The following SLC35F3 variants were observed in gnomAD, a reference collection of about 807,000 sequenced individuals.
SLC35F3 encodes putative thiamine transporter SLC35F3.
SLC35F3 carries 25 observed loss-of-function variants against 49.9 expected under a neutral mutation model. That is an observed-to-expected ratio of 0.50 (90% CI 0.37 to 0.70). The LOEUF (loss-of-function observed/expected upper bound fraction) is 0.70. Among genes scored for constraint, SLC35F3 ranks in the 30% least tolerant of loss-of-function variants. The pLI, the probability that SLC35F3 is intolerant of heterozygous loss-of-function variation, is 0.00. For synonymous variants in SLC35F3, 275 were observed against 265.4 expected (o/e 1.04, Z -0.35); for missense variants, 525 against 639.8 (o/e 0.82, Z 1.94).
At chr1:234,248,225 CCATTGTTTGGTGGG>C (rs1667675646) in intron 3 of SLC35F3, among the ~76,000 whole-genome samples, 9 of 149,586 alleles carry the variant, frequency 6.0e-5, no homozygotes, top group East Asian at 2.1e-4. Context: ...GTTGGTTGGT[CCATTGTTTGGTGGG>C]TCGGTTGTTT....
At chr1:234,096,890 T>G (rs552390448) in intron 2 of SLC35F3, among the ~76,000 whole-genome samples, 1 of 151,472 alleles carries the variant, frequency 6.6e-6, no homozygotes, top group East Asian at 1.9e-4. Flanking sequence ...AAATTCTTTT[T>G]TTTTTTTTTT....
At chr1:233,999,248 C>G (rs1283500867) in intron 2 of SLC35F3, among the ~76,000 whole-genome samples, 6 of 152,136 alleles carry the variant, frequency 3.9e-5, no homozygotes, top group Non-Finnish European at 7.3e-5. Flanking sequence ...AGAATATAAA[C>G]TCCAGGATAT....
At chr1:234,010,774 AAG>A (rs1458693994) in intron 2 of SLC35F3, among the ~76,000 whole-genome samples, 1 of 152,172 alleles carries the variant, frequency 6.6e-6, no homozygotes, top group Non-Finnish European at 1.5e-5. Flanking sequence ...AAGGGATGGA[AAG>A]AGATGGAAAG....
At chr1:234,039,519 G>A (rs1168317914) in intron 2 of SLC35F3, among the ~76,000 whole-genome samples, 1 of 152,182 alleles carries the variant, frequency 6.6e-6, no homozygotes. Context: ...AGAAATTGCT[G>A]AGTGAGAAAG....
At chr1:234,004,744 A>G (rs901891786) in intron 2 of SLC35F3, among the ~76,000 whole-genome samples, 9 of 152,136 alleles carry the variant, frequency 5.9e-5, no homozygotes, top group African/African-American at 2.2e-4. Flanking sequence ...TGAAGGGAAA[A>G]TAGCTTTTCT....
chr1:234,118,899 A>G (rs886280277), intron 2 of SLC35F3, among the ~76,000 whole-genome samples: 1 of 133,582 alleles, frequency 7.5e-6, no homozygotes, highest in Non-Finnish European at 1.6e-5. Flanking sequence ...TTTTTTTTTT[A>G]CAAAACCTCT....
At chr1:233,911,331 A>G (rs1342021796) in intron 2 of SLC35F3, among the ~76,000 whole-genome samples, 1 of 152,210 alleles carries the variant, frequency 6.6e-6, no homozygotes, top group East Asian at 1.9e-4. Context: ...TAAGAGATGT[A>G]TAATTTGGTT....
intron 2 of SLC35F3, among the ~76,000 whole-genome samples, chr1:234,228,249 G>C (rs1416373363): frequency 3.3e-5 from 5 of 152,094 alleles, no homozygotes; most frequent in Non-Finnish European, 7.4e-5. Context: ...CCTGAACTTT[G>C]CTCCTATTTT....
At position 233,989,665 on chromosome 1, in the gene SLC35F3, A is replaced by G. The variant is rs181743750; in HGVS notation, c.283+83907A>G. 1.2e-4 allele frequency among the ~76,000 whole-genome samples: 18 copies of G among 152,332 alleles called. No individual in the cohort carries two copies. In the East Asian group the frequency reaches 2.5e-3, roughly 21 times the overall value. On this transcript the variant is annotated intron_variant, in intron 2 of 7. Coordinates refer to ENST00000366618, the MANE Select transcript of SLC35F3 (RefSeq NM_173508.4). ...ATATTTTCACTGAAAAAAATGCTAC[A>G]TGTTAAAACTCATACCTAAACTCTT...
intron 2 of SLC35F3, among the ~76,000 whole-genome samples, chr1:234,114,432 T>G (rs1327628475): frequency 6.6e-6 from 1 of 152,240 alleles, no homozygotes; most frequent in Admixed American, 6.5e-5. Flanking sequence ...GATTTGTTTT[T>G]AATTATAAAC....
rs181105672 is a variant in SLC35F3, at chr1:234,316,565, C to T, written c.829-37C>T. ...TTGCATACTCCCTCTGACTCCGTCC[C>T]GACTTCCCTGACCAGCATTTTCTTC... On this transcript the variant is annotated intron_variant, in intron 4 of 7. Coordinates refer to ENST00000366618, the MANE Select transcript of SLC35F3 (RefSeq NM_173508.4). 2.3e-4 allele frequency: 359 copies of T among 1,583,604 alleles called. 3 individuals carry two copies. The East Asian group carries it at 5.8e-3, about 26-fold the overall frequency.
intron 2 of SLC35F3, among the ~76,000 whole-genome samples, chr1:234,135,145 G>T (rs1665790759): frequency 6.6e-6 from 1 of 152,198 alleles, no homozygotes; most frequent in South Asian, 2.1e-4. Flanking sequence ...TAGAGTGAAG[G>T]AATAGGCCAT....
intron 2 of SLC35F3, among the ~76,000 whole-genome samples, chr1:234,143,095 A>G (rs763710899): frequency 6.6e-6 from 1 of 152,072 alleles, no homozygotes. Flanking sequence ...CGGTATAGGC[A>G]CAATATTATT....
intron 2 of SLC35F3, among the ~76,000 whole-genome samples, chr1:233,929,256 G>C (rs1662206301): frequency 6.6e-6 from 1 of 152,186 alleles, no homozygotes; most frequent in African/African-American, 2.4e-5. Flanking sequence ...CATAGACCAA[G>C]TCTCTTATCC....
chr1:233,932,324 T>A (rs1314789585), intron 2 of SLC35F3, among the ~76,000 whole-genome samples: 1 of 152,072 alleles, frequency 6.6e-6, no homozygotes, highest in African/African-American at 2.4e-5. Flanking sequence ...TCTTGCTGTC[T>A]CAGGGGTGGC....
Position 234,214,579 on chromosome 1 carries a change from T to A in SLC35F3, c.284-16838T>A. ...TGACCCTTACCAAAGTGGAAGGTAA[T>A]GCGCGGCCGCCTCGCCCCGGGGGTC... On this transcript the variant is annotated intron_variant, in intron 2 of 7. Transcript: ENST00000366618. The surrounding 1 kb of genome is among the most constrained non-coding windows in gnomAD (Gnocchi z 8.0). 1 of 1,536,396 alleles carries A rather than the reference T, an allele frequency of 6.5e-7. No individual in the cohort carries two copies. Among genetic ancestry groups the A allele is most frequent in the South Asian group, 1.2e-5 (1 of 81,694 alleles).
chr1:234,062,767 C>A (rs966384715), intron 2 of SLC35F3, among the ~76,000 whole-genome samples: 10 of 151,728 alleles, frequency 6.6e-5, no homozygotes, highest in African/African-American at 2.4e-4. Context: ...GCAAGCTCTG[C>A]CCCCTGGGTT....
chr1:234,198,479 A>G (rs1488923872), intron 2 of SLC35F3, among the ~76,000 whole-genome samples: 2 of 152,146 alleles, frequency 1.3e-5, no homozygotes, highest in African/African-American at 4.8e-5. Flanking sequence ...GTGCCAGGCC[A>G]TTTTCCAAAG....
At chr1:234,061,861 A>G (rs536928878) in intron 2 of SLC35F3, among the ~76,000 whole-genome samples, 3 of 151,962 alleles carry the variant, frequency 2.0e-5, no homozygotes, top group African/African-American at 7.3e-5. Flanking sequence ...CAACATTGTC[A>G]TCATATCTTT....
Sources: allele counts gnomAD v4.1 joint callset (sites outside exome capture counted in the v4.1 genomes callset), GRCh38; gene constraint gnomAD v4.1.1; non-coding constraint Gnocchi (gnomAD v3.1); transcripts MANE v1.5; gene names NCBI Gene and HGNC (gene_info 2026-07-23, HGNC 2026-07-21).